Variants in PKNOX2 observed in about 807,000 individuals in gnomAD.
PKNOX2 encodes PBX/knotted 1 homeobox 2.
In PKNOX2, 14 loss-of-function variants were observed where a neutral mutation model predicts 53.1. That is an observed-to-expected ratio of 0.26 (90% CI 0.17 to 0.41). The LOEUF (loss-of-function observed/expected upper bound fraction) is 0.41, where lower values mean the gene tolerates loss of function less well. PKNOX2 is among the 10% of genes least tolerant of loss of function. PKNOX2 has a pLI of 1.00. For synonymous variants in PKNOX2, 257 were observed against 242.8 expected (o/e 1.06, Z -0.54); for missense variants, 496 against 602.8 (o/e 0.82, Z 1.85).
intron 2 of PKNOX2, among the ~76,000 whole-genome samples, chr11:125,283,217 G>A (rs1350104261): frequency 6.6e-6 from 1 of 152,036 alleles, no homozygotes; most frequent in African/African-American, 2.4e-5. Context: ...GCCACATGCA[G>A]CTAATGCCTA....
chr11:125,316,247 T>C (rs1159971814), intron 2 of PKNOX2, among the ~76,000 whole-genome samples: 2 of 152,224 alleles, frequency 1.3e-5, no homozygotes, highest in Admixed American at 1.3e-4. Flanking sequence ...TATCCGCATC[T>C]GTTGCCTGTC....
intron 2 of PKNOX2, among the ~76,000 whole-genome samples, chr11:125,323,897 C>T (rs1014649261): frequency 2.0e-5 from 3 of 151,854 alleles, no homozygotes; most frequent in Non-Finnish European, 2.9e-5. Context: ...GTCTTTGTGA[C>T]TGTGTAGATC....
At chr11:125,242,628 T>C (rs1943249426) in intron 2 of PKNOX2, among the ~76,000 whole-genome samples, 1 of 147,434 alleles carries the variant, frequency 6.8e-6, no homozygotes, top group Non-Finnish European at 1.5e-5. Context: ...CCAGGGGAAA[T>C]GGCTCAGGTC....
chr11:125,290,629 T>C (rs1019119088), intron 2 of PKNOX2, among the ~76,000 whole-genome samples: 1 of 152,194 alleles, frequency 6.6e-6, no homozygotes, highest in Admixed American at 6.5e-5. Context: ...ATGAGGAGCA[T>C]GCTGTTCATT....
chr11:125,382,907 G>A (rs1364098820), intron 5 of PKNOX2, among the ~76,000 whole-genome samples: 2 of 152,174 alleles, frequency 1.3e-5, no homozygotes, highest in Admixed American at 6.5e-5. Flanking sequence ...GTTTGGGGCA[G>A]CAAATAGGCC....
chr11:125,242,129 C>T (rs565982226), intron 2 of PKNOX2, among the ~76,000 whole-genome samples: 6 of 152,228 alleles, frequency 3.9e-5, no homozygotes, highest in East Asian at 1.9e-4. Context: ...TGTGGTTCCC[C>T]GTCTATGTGG....
At chr11:125,361,778 T>G (rs961859583) in intron 4 of PKNOX2, among the ~76,000 whole-genome samples, 1 of 152,154 alleles carries the variant, frequency 6.6e-6, no homozygotes, top group Non-Finnish European at 1.5e-5. Context: ...CCACCTCCCA[T>G]GAGCAAGGGA....
intron 10 of PKNOX2, among the ~76,000 whole-genome samples, chr11:125,427,103 GC>G (rs1388999297): frequency 1.3e-5 from 2 of 152,192 alleles, no homozygotes; most frequent in Admixed American, 6.5e-5. Context: ...CAGGGAGGCT[GC>G]TTGGCTCTTT....
chr11:125,216,055 C>T (rs1197672164), intron 1 of PKNOX2, among the ~76,000 whole-genome samples: 2 of 152,204 alleles, frequency 1.3e-5, no homozygotes, highest in African/African-American at 4.8e-5. Context: ...ACTAGATCCT[C>T]AAAAGCTTTA....
intron 3 of PKNOX2, among the ~76,000 whole-genome samples, chr11:125,333,053 G>A (rs908136054): frequency 2.6e-5 from 4 of 152,204 alleles, no homozygotes; most frequent in East Asian, 1.9e-4. Flanking sequence ...TGGGTTGGGC[G>A]ATGCCCGTTT....
Position 125,238,972 on chromosome 11 carries a change from C to T in PKNOX2, c.-130+3857C>T, listed in dbSNP as rs1462520004. Among the ~76,000 whole-genome samples the T allele has an allele frequency of 3.3e-5, 5 of 152,286 alleles. No homozygotes were observed. The East Asian group carries it at 9.7e-4, about 29-fold the overall frequency. On this transcript the variant is annotated intron_variant, in intron 2 of 12. Transcript: ENST00000298282. ...TGGAATAGAAATGGGGTTGTATATACTTCCCAGGACTGCTATGAGGACTCA... is the reference window on the plus strand; with the variant it reads ...TGGAATAGAAATGGGGTTGTATATATTTCCCAGGACTGCTATGAGGACTCA...
chr11:125,367,532 C>G (rs1313056574), intron 4 of PKNOX2, among the ~76,000 whole-genome samples: 10 of 152,210 alleles, frequency 6.6e-5, no homozygotes, highest in Admixed American at 6.5e-4. Flanking sequence ...AGGATTCATC[C>G]TATTGTTTTT....
chr11:125,279,145 G>A (rs951105285), intron 2 of PKNOX2, among the ~76,000 whole-genome samples: 7 of 152,198 alleles, frequency 4.6e-5, no homozygotes, highest in African/African-American at 7.2e-5. Context: ...GCCCTGGCTC[G>A]TCTGGTTTTC....
intron 2 of PKNOX2, among the ~76,000 whole-genome samples, chr11:125,325,501 G>A (rs1234640805): frequency 2.0e-5 from 3 of 152,202 alleles, no homozygotes; most frequent in Non-Finnish European, 4.4e-5. Context: ...CAGTGGTCAT[G>A]AGAGAAAATC....
intron 10 of PKNOX2, among the ~76,000 whole-genome samples, chr11:125,425,549 G>A (rs1162021600): frequency 1.6e-5 from 2 of 127,946 alleles, no homozygotes; most frequent in Non-Finnish European, 3.4e-5. Flanking sequence ...ATGGTTTGCC[G>A]TGATCCAATA....
At chr11:125,171,033 C>G (rs190855564) in intron 1 of PKNOX2, among the ~76,000 whole-genome samples, 1 of 152,168 alleles carries the variant, frequency 6.6e-6, no homozygotes, top group Non-Finnish European at 1.5e-5. Flanking sequence ...ACAGAAGCAG[C>G]AGGTCACAGG....
chr11:125,415,641 G>A (rs1445497039), intron 10 of PKNOX2, among the ~76,000 whole-genome samples: 2 of 152,086 alleles, frequency 1.3e-5, no homozygotes, highest in Non-Finnish European at 2.9e-5. Flanking sequence ...TTGCTCTGAG[G>A]AACAACTCTG....
At chr11:125,286,062 G>C (rs115747635) in intron 2 of PKNOX2, among the ~76,000 whole-genome samples, 2 of 152,104 alleles carry the variant, frequency 1.3e-5, no homozygotes, top group Admixed American at 6.5e-5. Context: ...AGTGAGAGAC[G>C]GGGCAGTGTG....
At chr11:125,427,471 C>T (rs1182538915) in intron 10 of PKNOX2, among the ~76,000 whole-genome samples, 1 of 152,174 alleles carries the variant, frequency 6.6e-6, no homozygotes, top group Non-Finnish European at 1.5e-5. Flanking sequence ...ACCAAGGCTG[C>T]TGACCGCAGC....
Sources: gnomAD v4.1 joint callset for allele counts (sites outside exome capture counted in the v4.1 genomes callset) on GRCh38, gnomAD v4.1.1 for gene constraint, MANE v1.5 for transcripts, NCBI Gene and HGNC (gene_info 2026-07-23, HGNC 2026-07-21) for gene names.